MAGI1: variants seen among roughly 807,000 people sequenced by gnomAD.
MAGI1 encodes membrane associated guanylate kinase, WW and PDZ domain containing 1.
A neutral mutation model predicts 139.9 loss-of-function variants in MAGI1; 58 were observed. That is an observed-to-expected ratio of 0.41 (90% confidence interval 0.34 to 0.52). MAGI1 has a LOEUF of 0.52. MAGI1 is among the 20% of genes least tolerant of loss of function. The pLI is 0.12. For missense variants in MAGI1, 1,874 were observed against 1,901.6 expected, an observed-to-expected ratio of 0.99 and a Z score of 0.27; for synonymous variants, 812 against 737.9, an observed-to-expected ratio of 1.10 and a Z score of -1.63.
chr3:65,710,546 G>A (rs1008829026), intron 1 of MAGI1, among the ~76,000 whole-genome samples: 1 of 151,802 alleles, frequency 6.6e-6, no homozygotes, highest in Non-Finnish European at 1.5e-5. Flanking sequence ...CAAAGTGCTG[G>A]GATTACAGGC....
At chr3:65,560,498 A>G in intron 2 of MAGI1, among the ~76,000 whole-genome samples, 1 of 152,202 alleles carries the variant, frequency 6.6e-6, no homozygotes, top group African/African-American at 2.4e-5. Flanking sequence ...CTATCCTTTA[A>G]TAAGGAGAAA....
intron 2 of MAGI1, among the ~76,000 whole-genome samples, chr3:65,522,907 T>C (rs1174461539): frequency 6.6e-6 from 1 of 152,162 alleles, no homozygotes; most frequent in East Asian, 1.9e-4. Context: ...CTCCCATATG[T>C]TTTTTTGGCT....
intron 1 of MAGI1, chr3:65,872,920 G>C (rs188821070): frequency 6.6e-6 from 1 of 152,280 alleles, no homozygotes; most frequent in Admixed American, 6.5e-5. Context: ...AGAGCACTGA[G>C]TGGGAAATAG....
chr3:65,489,289 T>C (rs1165943178), intron 3 of MAGI1, among the ~76,000 whole-genome samples: 1 of 152,192 alleles, frequency 6.6e-6, no homozygotes, highest in Non-Finnish European at 1.5e-5. Flanking sequence ...TCAGGTAGTT[T>C]TGGTCTACTG....
At chr3:65,442,711 G>T in intron 8 of MAGI1, 81 bp downstream of exon 8, 1 of 938,824 alleles carries the variant, frequency 1.1e-6, no homozygotes, top group Non-Finnish European at 1.7e-6. Flanking sequence ...GCCTTATAAT[G>T]ATGTCAGGCT....
intron 12 of MAGI1, among the ~76,000 whole-genome samples, chr3:65,404,387 A>G (rs1244332828): frequency 2.0e-5 from 3 of 152,326 alleles, no homozygotes; most frequent in African/African-American, 7.2e-5. Context: ...TGACACAACA[A>G]ACCGTATATT....
At chr3:65,811,268 C>T (rs917640886) in intron 1 of MAGI1, among the ~76,000 whole-genome samples, 5 of 152,204 alleles carry the variant, frequency 3.3e-5, no homozygotes, top group African/African-American at 9.6e-5. Context: ...CTGACATGAA[C>T]AAACAATGAA....
At position 65,497,087 on chromosome 3, in the gene MAGI1, A is replaced by C. The variant is rs1952511243; in HGVS notation, c.431-3456T>G. Among the ~76,000 whole-genome samples the C allele has an allele frequency of 2.0e-5, 3 of 152,154 alleles. No homozygotes were observed. In the South Asian group the frequency reaches 6.2e-4, roughly 32 times the overall value. On this transcript the variant is annotated intron_variant, in intron 2 of 22. Coordinates refer to ENST00000402939, the MANE Select transcript of MAGI1 (RefSeq NM_001033057.2). Reference sequence around the variant, plus strand: ...AAATGCCTAACAGACACCTACGAGCAGAGAGTTGGAGCACAGCTGACCTTA... The same window carrying C: ...AAATGCCTAACAGACACCTACGAGCCGAGAGTTGGAGCACAGCTGACCTTA...
intron 2 of MAGI1, among the ~76,000 whole-genome samples, chr3:65,620,815 T>C (rs935360150): frequency 1.4e-4 from 21 of 152,192 alleles, no homozygotes; most frequent in Non-Finnish European, 2.8e-4. Flanking sequence ...TCTCCTCTCA[T>C]AGCCTCTGTT....
chr3:65,613,564 A>AT (rs1403847680), intron 2 of MAGI1, among the ~76,000 whole-genome samples: 1 of 152,070 alleles, frequency 6.6e-6, no homozygotes, highest in South Asian at 2.1e-4. Flanking sequence ...TACGTTTGTA[A>AT]TTTTTTTCCC....
At chr3:65,771,030 G>A (rs140106285) in intron 1 of MAGI1, among the ~76,000 whole-genome samples, 212 of 151,912 alleles carry the variant, frequency 1.4e-3, no homozygotes, top group African/African-American at 4.9e-3. Flanking sequence ...GGCAGGGTGT[G>A]GTATTACAGA....
chr3:65,509,729 G>A (rs1475771324), intron 2 of MAGI1, among the ~76,000 whole-genome samples: 1 of 152,112 alleles, frequency 6.6e-6, no homozygotes, highest in East Asian at 1.9e-4. Context: ...GCTGGGGGAG[G>A]GGCGCCCGCC....
At chr3:65,711,735 G>A (rs897947005) in intron 1 of MAGI1, among the ~76,000 whole-genome samples, 9 of 152,172 alleles carry the variant, frequency 5.9e-5, no homozygotes, top group Non-Finnish European at 1.2e-4. Context: ...GACACAGAGG[G>A]ATAACAGCAG....
chr3:65,618,166 G>C (rs1435562951), intron 2 of MAGI1, among the ~76,000 whole-genome samples: 1 of 152,176 alleles, frequency 6.6e-6, no homozygotes, highest in African/African-American at 2.4e-5. Context: ...AAGACACAAA[G>C]TGTGTTTGGA....
At chr3:65,786,669 T>C (rs569475788) in intron 1 of MAGI1, among the ~76,000 whole-genome samples, 30 of 148,784 alleles carry the variant, frequency 2.0e-4, no homozygotes, top group Admixed American at 1.3e-3. Flanking sequence ...TGGAGTGCAG[T>C]GGCACGATCT....
In MAGI1 at chr3:65,613,413, T is replaced by C. The variant is rs74927924; in HGVS notation, c.430+8559A>G. On this transcript the variant is annotated intron_variant, in intron 2 of 22. Transcript: ENST00000402939. ...AGAAGATTATAAATTACCACAACTC[T>C]AATTAAATTTAATCTAAAACTCCCA... 2.1e-3 allele frequency among the ~76,000 whole-genome samples: 315 copies of C among 152,322 alleles called. 1 individual carries two copies. Among genetic ancestry groups the C allele is most frequent in the African/African-American group, 7.4e-3 (309 of 41,570 alleles).
chr3:66,022,180 T>C (rs2068003474), intron 1 of MAGI1, among the ~76,000 whole-genome samples: 1 of 152,190 alleles, frequency 6.6e-6, no homozygotes, highest in African/African-American at 2.4e-5. Context: ...CTCACAATTA[T>C]CTTTCTTTGG....
chr3:65,375,416 T>G (rs925488277), intron 18 of MAGI1, among the ~76,000 whole-genome samples: 2 of 151,762 alleles, frequency 1.3e-5, no homozygotes. Context: ...CTCGATCTCC[T>G]GACCTCATGA....
At chr3:65,422,492 G>A (rs1317120239) in intron 12 of MAGI1, among the ~76,000 whole-genome samples, 2 of 152,114 alleles carry the variant, frequency 1.3e-5, no homozygotes, top group Admixed American at 6.6e-5. Flanking sequence ...CACAACCTCA[G>A]AAAGTTCTCT....
Sources: allele counts gnomAD v4.1 joint callset (sites outside exome capture counted in the v4.1 genomes callset), GRCh38; gene constraint gnomAD v4.1.1; transcripts MANE v1.5; gene names NCBI Gene and HGNC (gene_info 2026-07-23, HGNC 2026-07-21).